FILIP1L: variants seen among roughly 807,000 people sequenced by gnomAD.
The protein encoded by FILIP1L is filamin A interacting protein 1 like, also known as filamin A-interacting protein 1-like.
A neutral mutation model predicts 96.6 loss-of-function variants in FILIP1L; 55 were observed. That is an observed-to-expected ratio of 0.57 (90% CI 0.46 to 0.71). The LOEUF is 0.71. Ranked by LOEUF, FILIP1L falls within the 30% of genes least tolerant of loss-of-function variation. The pLI, the probability that FILIP1L is intolerant of heterozygous loss-of-function variation, is 0.00. For missense variants in FILIP1L, 1,304 were observed against 1,321.2 expected (o/e 0.99, Z 0.20); for synonymous variants, 467 against 473.9 (o/e 0.99, Z 0.19).
intron 1 of FILIP1L, among the ~76,000 whole-genome samples, chr3:99,941,349 C>T (rs1707845492): frequency 1.3e-5 from 2 of 152,166 alleles, no homozygotes; most frequent in African/African-American, 2.4e-5. Flanking sequence ...ATGTTCAATG[C>T]ACAAAGTGTT....
intron 4 of FILIP1L, among the ~76,000 whole-genome samples, chr3:99,906,355 T>C (rs1207877345): frequency 6.6e-6 from 1 of 152,222 alleles, no homozygotes; most frequent in Non-Finnish European, 1.5e-5. Flanking sequence ...CTGTTTCTTT[T>C]ATATTGGGTT....
At chr3:99,893,464 C>A (rs909655134) in intron 4 of FILIP1L, among the ~76,000 whole-genome samples, 1 of 152,016 alleles carries the variant, frequency 6.6e-6, no homozygotes, top group East Asian at 1.9e-4. Context: ...CTCGCCCAGC[C>A]GGCATCTAGA....
At chr3:99,879,958 G>A (rs955828396) in intron 4 of FILIP1L, among the ~76,000 whole-genome samples, 3 of 152,116 alleles carry the variant, frequency 2.0e-5, no homozygotes, top group Non-Finnish European at 4.4e-5. Context: ...AGCTTTCGGT[G>A]TTTATTGCAC....
At chr3:100,091,602 C>T (rs1242062572) in intron 1 of FILIP1L, among the ~76,000 whole-genome samples, 1 of 152,240 alleles carries the variant, frequency 6.6e-6, no homozygotes, top group African/African-American at 2.4e-5. Flanking sequence ...GCCTGACTTA[C>T]ATTACAAAAG....
At chr3:100,105,901 A>T (rs1196671106) in intron 1 of FILIP1L, among the ~76,000 whole-genome samples, 1 of 152,120 alleles carries the variant, frequency 6.6e-6, no homozygotes, top group Non-Finnish European at 1.5e-5. Context: ...TTTTTTAATC[A>T]ATGAGCTTTC....
intron 3 of FILIP1L, 53 bp downstream of exon 3, chr3:99,929,803 C>A (rs1707417831): frequency 7.4e-7 from 1 of 1,351,486 alleles, no homozygotes; most frequent in Non-Finnish European, 1.0e-6. Flanking sequence ...TGCTCATCTG[C>A]AGGGCTAGTG....
At chr3:100,037,957 G>GT (rs1232268596) in intron 1 of FILIP1L, among the ~76,000 whole-genome samples, 152 of 10,650 alleles carry the variant, frequency 0.014, 1 homozygote, top group Non-Finnish European at 0.032. Flanking sequence ...TTTTTTTTTT[G>GT]GGGGGGGAGG....
At chr3:99,904,389 T>A (rs895138987) in intron 4 of FILIP1L, among the ~76,000 whole-genome samples, 1 of 152,196 alleles carries the variant, frequency 6.6e-6, no homozygotes, top group African/African-American at 2.4e-5. Context: ...TGGCAAAAAT[T>A]TATTTGGTTT....
At chr3:100,055,671 T>A (rs995105703) in intron 1 of FILIP1L, among the ~76,000 whole-genome samples, 3 of 152,232 alleles carry the variant, frequency 2.0e-5, no homozygotes, top group African/African-American at 7.2e-5. Context: ...TATATTTTAA[T>A]CTCTTCCTTT....
intron 4 of FILIP1L, among the ~76,000 whole-genome samples, chr3:99,922,157 G>A (rs1051591590): frequency 1.3e-5 from 2 of 152,194 alleles, no homozygotes; most frequent in African/African-American, 4.8e-5. Context: ...CACTCTGACC[G>A]TGATCAGTAA....
At chr3:99,956,285 AC>A (rs1708317661) in intron 1 of FILIP1L, among the ~76,000 whole-genome samples, 1 of 151,856 alleles carries the variant, frequency 6.6e-6, no homozygotes, top group Non-Finnish European at 1.5e-5. Flanking sequence ...TCACATCTTT[AC>A]ACATGTTCTC....
At chr3:99,924,500 G>T in intron 3 of FILIP1L, 92 bp from the exon 4 acceptor site, 1 of 1,303,978 alleles carries the variant, frequency 7.7e-7, no homozygotes, top group Admixed American at 2.2e-5. Flanking sequence ...TGATTAATTC[G>T]GCAGTGGGTT....
Position 100,021,830 on chromosome 3 carries a change from A to G in FILIP1L, c.-10-90800T>C, listed in dbSNP as rs183545027. On this transcript the variant is annotated intron_variant, in intron 1 of 5. Transcript: ENST00000477258. ...ATGATTAAAGAATAGATTATAATTCAATAGAACAGTGATTTGCTGGTTAAA... is the reference window on the plus strand; with the variant it reads ...ATGATTAAAGAATAGATTATAATTCGATAGAACAGTGATTTGCTGGTTAAA... 2.4e-4 allele frequency among the ~76,000 whole-genome samples: 37 copies of G among 152,202 alleles called. 1 individual carries two copies. In the South Asian group the frequency reaches 2.9e-3, roughly 12 times the overall value.
chr3:99,999,434 G>A (rs1709779608), intron 1 of FILIP1L, among the ~76,000 whole-genome samples: 1 of 152,170 alleles, frequency 6.6e-6, no homozygotes, highest in South Asian at 2.1e-4. Flanking sequence ...GAGTGGTTGG[G>A]AGGAAATTGC....
intron 1 of FILIP1L, among the ~76,000 whole-genome samples, chr3:99,935,434 A>G (rs968174194): frequency 3.3e-5 from 5 of 152,290 alleles, no homozygotes; most frequent in African/African-American, 1.2e-4. Context: ...TAACCCTAGA[A>G]CGATAACCTT....
intron 1 of FILIP1L, among the ~76,000 whole-genome samples, chr3:100,109,559 T>C (rs2066453730): frequency 6.6e-6 from 1 of 152,124 alleles, no homozygotes; most frequent in Non-Finnish European, 1.5e-5. Flanking sequence ...TTTCCCACAA[T>C]GTTGTATAAA....
chr3:99,866,182 T>A (rs553422690), intron 4 of FILIP1L, among the ~76,000 whole-genome samples: 1 of 152,126 alleles, frequency 6.6e-6, no homozygotes, highest in Admixed American at 6.5e-5. Context: ...TTTTTTTTTT[T>A]AAAGGCTTTC....
intron 1 of FILIP1L, among the ~76,000 whole-genome samples, chr3:99,939,371 A>G (rs531593996): frequency 1.6e-4 from 25 of 152,232 alleles, no homozygotes; most frequent in Non-Finnish European, 3.1e-4. Context: ...TTCTTGCCAC[A>G]GTGTAGTCCT....
chr3:100,023,435 C>T (rs75683002), intron 1 of FILIP1L: 546 of 152,470 alleles, frequency 3.6e-3, no homozygotes, highest in Non-Finnish European at 5.6e-3. Context: ...CTTAAAGCAA[C>T]GTAAAGTTAA....
Sources: gnomAD v4.1 joint callset for allele counts (sites outside exome capture counted in the v4.1 genomes callset) on GRCh38, gnomAD v4.1.1 for gene constraint, MANE v1.5 for transcripts, NCBI Gene and HGNC (gene_info 2026-07-23, HGNC 2026-07-21) for gene names.